The following PPFIA2 variants were observed in gnomAD, a reference collection of about 807,000 sequenced individuals.
PPFIA2 encodes the protein PPFI scaffold protein A2.
Under a neutral mutation model 175.5 loss-of-function variants are expected in PPFIA2, and 46 were observed. The ratio of observed to expected loss-of-function variants is 0.26; its 90% CI spans 0.21 to 0.34. The LOEUF (loss-of-function observed/expected upper bound fraction) is 0.34. Ranked by LOEUF, PPFIA2 falls within the 10% of genes least tolerant of loss-of-function variation. PPFIA2 has a pLI of 1.00. For synonymous variants in PPFIA2, 568 were observed against 511.4 expected, an observed-to-expected ratio of 1.11 and a Z score of -1.49; for missense variants, 1,179 against 1,506.1, an observed-to-expected ratio of 0.78 and a Z score of 3.60.
intron 4 of PPFIA2, among the ~76,000 whole-genome samples, chr12:81,605,711 C>T (rs1449394284): frequency 5.3e-5 from 8 of 151,302 alleles, no homozygotes; most frequent in Non-Finnish European, 1.2e-4. Context: ...TATAATTTCT[C>T]TATCTCTATT....
intron 15 of PPFIA2, 133 bp from the exon 16 acceptor site, chr12:81,358,350 A>C: frequency 1.1e-6 from 1 of 890,516 alleles, no homozygotes; most frequent in Non-Finnish European, 1.7e-6. Flanking sequence ...TAACCGATAA[A>C]TTGTCATGAC....
intron 18 of PPFIA2, 23 bp downstream of exon 18, chr12:81,347,510 G>T (rs763175571): frequency 1.3e-5 from 21 of 1,558,140 alleles, no homozygotes; most frequent in Non-Finnish European, 1.9e-5. Context: ...GGAGGCAAAG[G>T]TTCTCTGGAC....
intron 4 of PPFIA2, among the ~76,000 whole-genome samples, chr12:81,612,349 G>A (rs2061010768): frequency 6.6e-6 from 1 of 152,118 alleles, no homozygotes; most frequent in South Asian, 2.1e-4. Context: ...GAGCTATGAT[G>A]TGCCAGATAA....
Position 81,349,045 on chromosome 12 carries a change from T to G in PPFIA2, c.1995-1275A>C, listed in dbSNP as rs79411235. Among the ~76,000 whole-genome samples the G allele has an allele frequency of 4.9e-3, 744 of 152,270 alleles. 6 individuals carry two copies. Among genetic ancestry groups the G allele is most frequent in the East Asian group, 0.028 (147 of 5,180 alleles). ...TATTTGCTAAATTTATTCGCTAAAT[T>G]TATTCAATAGGAAATACTTCTCTGG... On this transcript the variant is annotated intron_variant, in intron 17 of 32. Coordinates refer to ENST00000549396, the MANE Select transcript of PPFIA2 (RefSeq NM_003625.5).
intron 4 of PPFIA2, among the ~76,000 whole-genome samples, chr12:81,523,835 G>C (rs1157775961): frequency 2.0e-5 from 3 of 152,132 alleles, no homozygotes; most frequent in Admixed American, 6.5e-5. Context: ...TCACAGTCTT[G>C]CTTTTTTTAC....
intron 19 of PPFIA2, among the ~76,000 whole-genome samples, chr12:81,342,076 A>G (rs1413719270): frequency 6.6e-6 from 1 of 152,102 alleles, no homozygotes; most frequent in East Asian, 1.9e-4. Flanking sequence ...AAACTGGCAA[A>G]GACATACAGA....
At chr12:81,686,705 A>G (rs1172281271) in intron 3 of PPFIA2, among the ~76,000 whole-genome samples, 1 of 152,102 alleles carries the variant, frequency 6.6e-6, no homozygotes, top group Admixed American at 6.6e-5. Context: ...ATAAGCAGTT[A>G]GTTATCCAGT....
intron 4 of PPFIA2, among the ~76,000 whole-genome samples, chr12:81,570,112 C>T (rs576734745): frequency 6.6e-6 from 1 of 152,268 alleles, no homozygotes; most frequent in South Asian, 2.1e-4. Context: ...CTCATTACTA[C>T]TTCCTATTTC....
chr12:81,368,927 T>C (rs932130534), intron 12 of PPFIA2, 71 bp from the exon 13 acceptor site: 1 of 1,500,062 alleles, frequency 6.7e-7, no homozygotes, highest in Non-Finnish European at 9.0e-7. Flanking sequence ...GTGTTGCTAG[T>C]TTTAAATTGA....
intron 4 of PPFIA2, among the ~76,000 whole-genome samples, chr12:81,569,670 G>A (rs928017632): frequency 6.6e-6 from 1 of 152,080 alleles, no homozygotes; most frequent in Non-Finnish European, 1.5e-5. Context: ...AACAAGTTTG[G>A]AACATTGTCA....
chr12:81,393,615 C>T (rs994598070), intron 8 of PPFIA2, among the ~76,000 whole-genome samples: 7 of 152,016 alleles, frequency 4.6e-5, no homozygotes, highest in Non-Finnish European at 1.0e-4. Context: ...GATTGCTCCC[C>T]TTTCAATTGT....
intron 4 of PPFIA2, among the ~76,000 whole-genome samples, chr12:81,481,770 C>T (rs1328851049): frequency 2.0e-5 from 3 of 152,102 alleles, no homozygotes; most frequent in African/African-American, 7.2e-5. Context: ...GAATGTAAGA[C>T]CTAAAACCAT....
rs1223802406 is a variant in PPFIA2 at position 81,362,768 on chromosome 12, T to C, written c.1562A>G (p.Glu521Gly). 5.8e-6 allele frequency: 9 copies of C among 1,545,372 alleles called. No homozygotes were observed. The highest frequency in any genetic ancestry group is 7.9e-6 in the Non-Finnish European group (9 of 1,142,460). The change falls in exon 15 of 33, where the codon GAA (glutamate) becomes GGA (glycine). Residue 521 changes from glutamate to glycine, a missense_variant. By Grantham distance (98) the Glu-to-Gly change is moderately conservative. This residue lies in a region of PPFIA2 where 186 missense variants were observed against 163.6 expected (regional missense o/e 1.14). Transcript: ENST00000549396. ...AAGTTCAGATCTCAGCTTTTCAATT[T>C]CTTCTGCTAATCTTTCCTAAAAAAT... ...SLHDKERLAEEIEKLRSELDQ... is the reference protein window; with the variant it reads ...SLHDKERLAEGIEKLRSELDQ...
In PPFIA2 at chr12:81,384,219, G is replaced by A. The variant is rs1422515202; in HGVS notation, c.788C>T (p.Ser263Leu). 5 of 1,597,140 alleles carry A rather than the reference G, an allele frequency of 3.1e-6. No individual in the cohort carries two copies. ...EKRLSNGSIDSTDETSQIVEL... is the reference protein window; with the variant it reads ...EKRLSNGSIDLTDETSQIVEL... ...AACTATTTGACTAGTTTCATCGGTT[G>A]AGTCTATAGAACCATTGGACAAACG... Residue 263 changes from serine to leucine, a missense_variant, in exon 9 of 33, where the codon TCA becomes TTA. Coordinates refer to ENST00000549396, the MANE Select transcript of PPFIA2 (RefSeq NM_003625.5).
At chr12:81,439,624 G>A (rs2049786660) in intron 7 of PPFIA2, among the ~76,000 whole-genome samples, 1 of 152,120 alleles carries the variant, frequency 6.6e-6, no homozygotes, top group African/African-American at 2.4e-5. Context: ...ACTTTTATTT[G>A]TAGCATTTTC....
intron 3 of PPFIA2, among the ~76,000 whole-genome samples, chr12:81,685,384 T>C (rs1207786192): frequency 5.3e-5 from 8 of 152,084 alleles, no homozygotes; most frequent in Non-Finnish European, 1.0e-4. Context: ...ATTTTTCCTA[T>C]GTAAGCCAAA....
At chr12:81,278,357 A>G (rs566138573) in intron 27 of PPFIA2, among the ~76,000 whole-genome samples, 1 of 152,188 alleles carries the variant, frequency 6.6e-6, no homozygotes, top group Admixed American at 6.5e-5. Context: ...CTTGGTCAAT[A>G]TGGTGAAACC....
chr12:81,380,392 A>G (rs893863612), intron 9 of PPFIA2, among the ~76,000 whole-genome samples: 4 of 152,114 alleles, frequency 2.6e-5, no homozygotes, highest in Non-Finnish European at 5.9e-5. Context: ...TTTTAAAAGA[A>G]TAATTAAGAA....
At chr12:81,393,788 C>T (rs2040586799) in intron 8 of PPFIA2, among the ~76,000 whole-genome samples, 1 of 152,046 alleles carries the variant, frequency 6.6e-6, no homozygotes, top group Non-Finnish European at 1.5e-5. Context: ...TCTGAAAGAC[C>T]TTCCTGGCTC....
Sources: gnomAD v4.1 joint callset for allele counts (sites outside exome capture counted in the v4.1 genomes callset) on GRCh38, gnomAD v4.1.1 for gene constraint, gnomAD v4.1.1 regional missense constraint, MANE v1.5 for transcripts, NCBI Gene and HGNC (gene_info 2026-07-23, HGNC 2026-07-21) for gene names.